Variants in VPS53 observed in about 807,000 individuals in gnomAD.
VPS53 encodes the protein vacuolar protein sorting-associated protein 53 homolog.
VPS53 carries 70 observed loss-of-function variants against 107.0 expected under a neutral mutation model. The ratio of observed to expected loss-of-function variants is 0.65; its 90% CI spans 0.54 to 0.80. The LOEUF (loss-of-function observed/expected upper bound fraction) is 0.80, where lower values mean the gene tolerates loss of function less well. VPS53 is among the 30% of genes least tolerant of loss of function. VPS53 has a pLI of 0.00. For missense variants in VPS53, 917 were observed against 1,049.4 expected (o/e 0.87, Z 1.74); for synonymous variants, 409 against 393.3 (o/e 1.04, Z -0.47).
At chr17:566,648 G>A (rs139390214) in intron 13 of VPS53, among the ~76,000 whole-genome samples, 5 of 152,288 alleles carry the variant, frequency 3.3e-5, no homozygotes, top group Non-Finnish European at 5.9e-5. Flanking sequence ...TTCCCCTGGG[G>A]TCTTCTTATG....
intron 7 of VPS53, among the ~76,000 whole-genome samples, chr17:640,882 C>T (rs965526209): frequency 1.3e-5 from 2 of 151,846 alleles, no homozygotes; most frequent in Non-Finnish European, 2.9e-5. Context: ...GAGACGAAGT[C>T]TCACTCTTGT....
intron 10 of VPS53, among the ~76,000 whole-genome samples, chr17:626,261 T>A (rs146007764): frequency 0.016 from 2,368 of 152,058 alleles, 24 homozygotes; most frequent in Middle Eastern, 0.031. Context: ...GATATACTGA[T>A]TTAACCTTCC....
At chr17:687,054 G>A (rs1471242860) in intron 4 of VPS53, among the ~76,000 whole-genome samples, 1 of 152,110 alleles carries the variant, frequency 6.6e-6, no homozygotes, top group African/African-American at 2.4e-5. Flanking sequence ...AGAGGCCAAG[G>A]TGGGCAGATC....
chr17:641,569 C>A (rs752959151), intron 7 of VPS53, among the ~76,000 whole-genome samples: 17 of 152,236 alleles, frequency 1.1e-4, no homozygotes, highest in Non-Finnish European at 2.1e-4. Context: ...CCTCCCTTCT[C>A]TCAGCCTCCT....
chr17:695,960 G>A (rs1463883744), intron 4 of VPS53, among the ~76,000 whole-genome samples: 1 of 152,218 alleles, frequency 6.6e-6, no homozygotes, highest in African/African-American at 2.4e-5. Context: ...GAGTGCTTGA[G>A]GCTGCCCTGT....
intron 12 of VPS53, among the ~76,000 whole-genome samples, chr17:597,265 G>A (rs890056682): frequency 3.3e-5 from 5 of 152,122 alleles, no homozygotes; most frequent in African/African-American, 9.7e-5. Context: ...CCACAGAGCC[G>A]GCAGAGACCT....
At chr17:563,447 C>A (rs904122161) in intron 13 of VPS53, among the ~76,000 whole-genome samples, 2 of 152,240 alleles carry the variant, frequency 1.3e-5, no homozygotes, top group Middle Eastern at 6.8e-3. Context: ...AGGCACACGC[C>A]ACCATGCCCA....
rs1908309831 is a variant in VPS53 at position 516,363 on chromosome 17, G to C, written c.*2765C>G. The C allele has an allele frequency of 6.6e-6, 1 of 151,908 alleles. No homozygotes were observed. Among genetic ancestry groups the C allele is most frequent in the Admixed American group, 6.6e-5 (1 of 15,230 alleles). The allele number at this position is 151,908 out of a possible 1,614,324, so 9.4% of individuals were successfully genotyped here. A position where few individuals can be genotyped will look rare whatever the true frequency, so the allele number is the denominator to read the frequency against. On this transcript the variant is annotated 3_prime_UTR_variant, in exon 22 of 22. Coordinates refer to ENST00000437048, the MANE Select transcript of VPS53 (RefSeq NM_001128159.3). ...AAACTTACTGACTCAAAATCTCCGG[G>C]CATCTGTTTTTTTGTTTGTTTTGAG...
chr17:606,535 C>T (rs1287042366), intron 11 of VPS53, among the ~76,000 whole-genome samples: 1 of 152,128 alleles, frequency 6.6e-6, no homozygotes, highest in Non-Finnish European at 1.5e-5. Flanking sequence ...TCATGCACCA[C>T]ATCACCATGT....
chr17:637,422 G>C (rs994609087), intron 7 of VPS53, among the ~76,000 whole-genome samples: 1 of 152,046 alleles, frequency 6.6e-6, no homozygotes, highest in African/African-American at 2.4e-5. Context: ...ATCTCCCTCA[G>C]TTCTGCTCTG....
intron 7 of VPS53, chr17:632,820 C>T (rs1428608095): frequency 2.2e-6 from 1 of 455,866 alleles, no homozygotes; most frequent in South Asian, 1.6e-5. Flanking sequence ...TCAATCCATG[C>T]AGCTGCAGTG....
intron 12 of VPS53, among the ~76,000 whole-genome samples, chr17:592,713 C>T (rs909784806): frequency 8.5e-5 from 13 of 152,146 alleles, no homozygotes; most frequent in Middle Eastern, 3.2e-3. Context: ...TGAATATTGG[C>T]CACCACTCTC....
At chr17:567,786 G>A (rs868093544) in intron 13 of VPS53, among the ~76,000 whole-genome samples, 12 of 152,006 alleles carry the variant, frequency 7.9e-5, no homozygotes. Flanking sequence ...TTACTTGGGA[G>A]GCTGAGGGAG....
At chr17:578,010 C>T (rs951800763) in intron 13 of VPS53, among the ~76,000 whole-genome samples, 5 of 151,168 alleles carry the variant, frequency 3.3e-5, no homozygotes, top group South Asian at 2.1e-4. Flanking sequence ...GAACATAATG[C>T]GTTCCCAAAG....
At chr17:645,983 GTCTTA>G (rs1384572757) in intron 7 of VPS53, among the ~76,000 whole-genome samples, 1 of 133,916 alleles carries the variant, frequency 7.5e-6, no homozygotes, top group Non-Finnish European at 1.6e-5. Flanking sequence ...CCTCCTAAGG[GTCTTA>G]TCTTTTCTAA....
At chr17:699,239 TG>T in intron 3 of VPS53, 91 bp downstream of exon 3, 1 of 998,334 alleles carries the variant, frequency 1.0e-6, no homozygotes, top group Non-Finnish European at 1.4e-6. Flanking sequence ...GAGATTTCAG[TG>T]CTCTCACAGA....
At chr17:567,886 C>A (rs1913678269) in intron 13 of VPS53, among the ~76,000 whole-genome samples, 1 of 128,414 alleles carries the variant, frequency 7.8e-6, no homozygotes, top group Non-Finnish European at 1.6e-5. Context: ...AAGACATTGT[C>A]GAAGGGGAGG....
At chr17:540,526 GAAAC>G (rs1910552178) in intron 17 of VPS53, 1 of 151,992 alleles carries the variant, frequency 6.6e-6, no homozygotes, top group South Asian at 2.1e-4. Flanking sequence ...TTCAAAAAAG[GAAAC>G]AAACAGTACC....
chr17:694,791 G>A (rs1972891453), intron 4 of VPS53, among the ~76,000 whole-genome samples: 1 of 152,186 alleles, frequency 6.6e-6, no homozygotes, highest in Non-Finnish European at 1.5e-5. Flanking sequence ...TTTTGGGGAT[G>A]GGGTCTCGCT....
Sources: allele counts gnomAD v4.1 joint callset (sites outside exome capture counted in the v4.1 genomes callset), GRCh38; gene constraint gnomAD v4.1.1; transcripts MANE v1.5; gene names NCBI Gene and HGNC (gene_info 2026-07-23, HGNC 2026-07-21).